The following SHLD1 variants were observed in gnomAD, a reference collection of about 807,000 sequenced individuals.
SHLD1 encodes RINN1-REV7-interacting novel NHEJ regulator 3.
SHLD1 carries 3 observed loss-of-function variants against 5.5 expected under a neutral mutation model. That is an observed-to-expected ratio of 0.54 (90% CI 0.25 to 1.40). SHLD1 has a LOEUF of 1.40. Among genes scored for constraint, SHLD1 ranks in the 40% most tolerant of loss-of-function variants. The probability of loss-of-function intolerance (pLI) is 0.15; values close to 1 mark genes in which losing one functional copy is unlikely to be tolerated. For synonymous variants in SHLD1, 92 were observed against 94.3 expected (o/e 0.98, Z 0.14); for missense variants, 210 against 244.4 (o/e 0.86, Z 0.94).
At chr20:5,837,439 C>A (rs1055178176) in intron 2 of SHLD1, among the ~76,000 whole-genome samples, 3 of 152,182 alleles carry the variant, frequency 2.0e-5, no homozygotes, top group South Asian at 4.1e-4. Context: ...ATTAGCTGTT[C>A]TTCCTGATGC....
At chr20:5,759,785 C>T (rs1395270028) in intron 1 of SHLD1, among the ~76,000 whole-genome samples, 1 of 152,134 alleles carries the variant, frequency 6.6e-6, no homozygotes, top group Non-Finnish European at 1.5e-5. Flanking sequence ...AAGCAATCTA[C>T]CTGCCTTGGC....
intron 2 of SHLD1, among the ~76,000 whole-genome samples, chr20:5,779,249 G>C (rs1362898385): frequency 2.6e-5 from 4 of 151,434 alleles, no homozygotes; most frequent in Non-Finnish European, 5.9e-5. Context: ...TGGTAATCTT[G>C]CTGTTACCAA....
chr20:5,788,145 G>A (rs2087086401), intron 2 of SHLD1, among the ~76,000 whole-genome samples: 1 of 152,002 alleles, frequency 6.6e-6, no homozygotes, highest in African/African-American at 2.4e-5. Context: ...TGCTTTCAAA[G>A]CTATTTTCTT....
intron 2 of SHLD1, among the ~76,000 whole-genome samples, chr20:5,833,023 G>T (rs990485173): frequency 6.6e-6 from 1 of 151,922 alleles, no homozygotes; most frequent in South Asian, 2.1e-4. Flanking sequence ...GGCCAGTGTT[G>T]CATGGCTGAC....
At chr20:5,802,901 G>A (rs1047750741) in intron 2 of SHLD1, among the ~76,000 whole-genome samples, 1 of 152,154 alleles carries the variant, frequency 6.6e-6, no homozygotes, top group African/African-American at 2.4e-5. Flanking sequence ...TTCTTTTAAT[G>A]ATTATACCAA....
intron 1 of SHLD1, among the ~76,000 whole-genome samples, chr20:5,766,462 C>T (rs909178139): frequency 3.3e-5 from 5 of 152,270 alleles, no homozygotes; most frequent in East Asian, 3.9e-4. Context: ...TTTGCCTAAT[C>T]GCATGGTAGT....
chr20:5,850,112 CAAT>C (rs113975793), intron 2 of SHLD1, among the ~76,000 whole-genome samples: 3,833 of 130,190 alleles, frequency 0.029, 79 homozygotes, highest in Middle Eastern at 0.045. Context: ...GACCCCGTCT[CAAT>C]AATAATAATA....
chr20:5,835,865 C>CGG (rs1290063256), intron 2 of SHLD1, among the ~76,000 whole-genome samples: 5 of 152,190 alleles, frequency 3.3e-5, no homozygotes, highest in Non-Finnish European at 7.3e-5. Flanking sequence ...AAATCATTCT[C>CGG]CTGCCTTCAC....
intron 2 of SHLD1, among the ~76,000 whole-genome samples, chr20:5,781,311 T>C (rs1272379946): frequency 6.6e-6 from 1 of 152,102 alleles, no homozygotes; most frequent in African/African-American, 2.4e-5. Flanking sequence ...GGTGGGAGGA[T>C]TGCTTGAGCC....
chr20:5,813,075 C>T (rs1249139190), intron 2 of SHLD1, among the ~76,000 whole-genome samples: 1 of 151,946 alleles, frequency 6.6e-6, no homozygotes. Context: ...GGGGTTTCAC[C>T]ATGTTGCCCC....
intron 2 of SHLD1, among the ~76,000 whole-genome samples, chr20:5,848,234 A>G (rs1030576710): frequency 2.6e-5 from 4 of 152,256 alleles, no homozygotes; most frequent in African/African-American, 9.6e-5. Context: ...GTATATATTT[A>G]TATGGTATCA....
At chr20:5,770,955 T>C (rs1457698931) in intron 1 of SHLD1, among the ~76,000 whole-genome samples, 1 of 152,198 alleles carries the variant, frequency 6.6e-6, no homozygotes, top group Non-Finnish European at 1.5e-5. Flanking sequence ...TTTCAAATAT[T>C]TTTTCACTTC....
chr20:5,836,206 T>C (rs2087787474), intron 2 of SHLD1, among the ~76,000 whole-genome samples: 1 of 152,096 alleles, frequency 6.6e-6, no homozygotes, highest in East Asian at 1.9e-4. Context: ...CTAGTGTAAA[T>C]GTTTACGAGA....
At chr20:5,757,005 A>G (rs1984152215) in intron 1 of SHLD1, among the ~76,000 whole-genome samples, 1 of 150,220 alleles carries the variant, frequency 6.7e-6, no homozygotes, top group Non-Finnish European at 1.5e-5. Context: ...AGGGAAAAGC[A>G]TTCAGTCTTT....
At chr20:5,808,885 C>T (rs1263634643) in intron 2 of SHLD1, among the ~76,000 whole-genome samples, 4 of 152,168 alleles carry the variant, frequency 2.6e-5, no homozygotes, top group African/African-American at 9.7e-5. Flanking sequence ...GAAAGTGTTA[C>T]AGAAGCCAGT....
chr20:5,850,241 G>A (rs562244615), intron 2 of SHLD1, among the ~76,000 whole-genome samples: 1 of 151,642 alleles, frequency 6.6e-6, no homozygotes, highest in African/African-American at 2.4e-5. Context: ...AAGAGCACAC[G>A]TTTATGGAAA....
intron 1 of SHLD1, among the ~76,000 whole-genome samples, chr20:5,754,464 G>T (rs989673872): frequency 6.6e-6 from 1 of 152,108 alleles, no homozygotes; most frequent in Non-Finnish European, 1.5e-5. Context: ...ACTCCAAAAA[G>T]AGGTGGTTAT....
At chr20:5,812,230 C>G (rs1460519331) in intron 2 of SHLD1, among the ~76,000 whole-genome samples, 1 of 151,890 alleles carries the variant, frequency 6.6e-6, no homozygotes, top group Non-Finnish European at 1.5e-5. Context: ...AGGACCTAAT[C>G]CCAAAATAAA....
chr20:5,772,076 A>G (rs931948786), intron 1 of SHLD1: 1 of 415,434 alleles, frequency 2.4e-6, no homozygotes, highest in Non-Finnish European at 4.9e-6. Flanking sequence ...GGGTTTCACC[A>G]TGTTGGCCAG....
Sources: allele counts gnomAD v4.1 joint callset (sites outside exome capture counted in the v4.1 genomes callset), GRCh38; gene constraint gnomAD v4.1.1; transcripts MANE v1.5; gene names NCBI Gene and HGNC (gene_info 2026-07-23, HGNC 2026-07-21).